Variants in TNKS2 observed in about 807,000 individuals in gnomAD.
The protein encoded by TNKS2 is poly [ADP-ribose] polymerase tankyrase-2.
In TNKS2, 72 loss-of-function variants were observed where a neutral mutation model predicts 137.6. The observed-to-expected ratio is 0.52, with a 90% CI of 0.43 to 0.64. TNKS2 has a LOEUF of 0.64. Among genes scored for constraint, TNKS2 ranks in the 30% least tolerant of loss-of-function variants. The probability of loss-of-function intolerance (pLI) is 0.00; values close to 1 mark genes in which losing one functional copy is unlikely to be tolerated. For synonymous variants in TNKS2, 516 were observed against 512.1 expected (o/e 1.01, Z -0.10); for missense variants, 1,049 against 1,410.2 (o/e 0.74, Z 4.10).
At position 91,848,561 on chromosome 10, in the gene TNKS2, G is replaced by C. The variant is rs376390039; in HGVS notation, c.2537G>C (p.Gly846Ala). The C allele has an allele frequency of 1.2e-6, 2 of 1,613,990 alleles. No individual in the cohort carries two copies. Among genetic ancestry groups the C allele is most frequent in the Non-Finnish European group, 1.7e-6 (2 of 1,180,034 alleles). Residue 846 changes from glycine (G) to alanine (A), a missense_variant, in exon 19 of 27, where the codon GGG becomes GCG. Transcript: ENST00000371627. ...GCCAGCAGTCTTGACAACTTATCTG[G>C]GAGTTTTTCAGAACTGTCTTCAGTA... The part of the protein sequence containing the change: ...SAASSLDNLS[G>A]SFSELSSVVS...
At chr10:91,833,764 T>G in intron 11 of TNKS2, 89 bp from the exon 12 acceptor site, 1 of 1,101,012 alleles carries the variant, frequency 9.1e-7, no homozygotes, top group Non-Finnish European at 1.2e-6. Context: ...GAATTGAGAC[T>G]TAAAAGTAGT....
chr10:91,801,430 C>T (rs1347581058), intron 1 of TNKS2, among the ~76,000 whole-genome samples: 1 of 151,906 alleles, frequency 6.6e-6, no homozygotes, highest in Non-Finnish European at 1.5e-5. Context: ...TTTCAGTCCG[C>T]CTGCCACTGC....
intron 13 of TNKS2, among the ~76,000 whole-genome samples, chr10:91,839,241 A>C (rs1842133796): frequency 6.6e-6 from 1 of 152,242 alleles, no homozygotes; most frequent in Admixed American, 6.5e-5. Flanking sequence ...CCAAACTTTC[A>C]TACTTTTCAT....
intron 7 of TNKS2, among the ~76,000 whole-genome samples, chr10:91,823,671 A>G (rs1281562790): frequency 6.6e-6 from 1 of 151,966 alleles, no homozygotes; most frequent in Non-Finnish European, 1.5e-5. Context: ...AGTAGAAGAT[A>G]TATATTATCT....
chr10:91,800,914 A>G (rs1253772000), intron 1 of TNKS2, among the ~76,000 whole-genome samples: 1 of 152,208 alleles, frequency 6.6e-6, no homozygotes, highest in Non-Finnish European at 1.5e-5. Context: ...GTTATCAGTC[A>G]TGTTAATGTG....
At chr10:91,853,543 A>G (rs1275905241) in intron 21 of TNKS2, among the ~76,000 whole-genome samples, 1 of 152,218 alleles carries the variant, frequency 6.6e-6, no homozygotes, top group Non-Finnish European at 1.5e-5. Flanking sequence ...ATGATCTTCT[A>G]ACAATCTATC....
chr10:91,835,797 G>A (rs1027134134), intron 12 of TNKS2, among the ~76,000 whole-genome samples: 6 of 148,740 alleles, frequency 4.0e-5, no homozygotes, highest in African/African-American at 7.4e-5. Flanking sequence ...TAGTAGTTAC[G>A]GGGTTTTACC....
chr10:91,863,851 A>G lies in TNKS2; in HGVS notation c.*852A>G, dbSNP rs1842913520. 1 of 152,100 alleles carries G rather than the reference A, an allele frequency of 6.6e-6. No individual in the cohort carries two copies. Among genetic ancestry groups the G allele is most frequent in the African/African-American group, 2.4e-5 (1 of 41,418 alleles). The allele number at this position is 152,100 out of a possible 1,614,324, so 9.4% of individuals were successfully genotyped here. On this transcript the variant is annotated 3_prime_UTR_variant, in exon 27 of 27. Transcript: ENST00000371627. ...AGAGCAAAGTGCTCCTGTTTTTTAG[A>G]GAAACTAAATCTTGCTGTTGAACAA...
intron 16 of TNKS2, 93 bp from the exon 17 acceptor site, chr10:91,844,826 A>G: frequency 1.4e-6 from 1 of 714,240 alleles, no homozygotes; most frequent in Non-Finnish European, 2.3e-6. Flanking sequence ...GTATACATGT[A>G]ATGACTTTTT....
intron 2 of TNKS2, among the ~76,000 whole-genome samples, chr10:91,815,317 G>C (rs1844650201): frequency 6.6e-6 from 1 of 152,164 alleles, no homozygotes; most frequent in South Asian, 2.1e-4. Context: ...CATTTATAAA[G>C]ATGTGAAATG....
chr10:91,859,915 C>T (rs1842808494), intron 25 of TNKS2, among the ~76,000 whole-genome samples: 1 of 152,124 alleles, frequency 6.6e-6, no homozygotes, highest in African/African-American at 2.4e-5. Context: ...TAGAAAGTAA[C>T]ATTAGGCATG....
chr10:91,857,354 A>G, intron 23 of TNKS2, 71 bp from the exon 24 acceptor site: 1 of 1,004,870 alleles, frequency 1.0e-6, no homozygotes, highest in Middle Eastern at 2.2e-4. Flanking sequence ...TGTATGTCCC[A>G]TGTTTGGTTT....
At chr10:91,800,063 G>A (rs1844111833) in intron 1 of TNKS2, among the ~76,000 whole-genome samples, 1 of 152,186 alleles carries the variant, frequency 6.6e-6, no homozygotes, top group African/African-American at 2.4e-5. Context: ...CTACCAGGAG[G>A]TATGCTTTTT....
In TNKS2 at chr10:91,857,541, T is replaced by C; in HGVS notation, c.3094+11T>C. 6.3e-7 allele frequency: 1 copy of C among 1,583,000 alleles called. No individual in the cohort carries two copies. The highest frequency in any genetic ancestry group is 8.7e-7 in the Non-Finnish European group (1 of 1,153,982). On this transcript the variant is annotated intron_variant, in intron 24 of 26. Coordinates refer to ENST00000371627, the MANE Select transcript of TNKS2 (RefSeq NM_025235.4). Reference sequence around the variant, plus strand: ...GAATGCTATTTCATGGTAAGATTCCTCCCCACCAACTCTACCACTGTCTTC... The same window carrying C: ...GAATGCTATTTCATGGTAAGATTCCCCCCCACCAACTCTACCACTGTCTTC...
intron 7 of TNKS2, 62 bp from the exon 8 acceptor site, chr10:91,826,948 TTACACAG>T: frequency 7.4e-7 from 1 of 1,348,004 alleles, no homozygotes. Context: ...TGATGTTAAA[TTACACAG>T]TACGAATAAT....
At chr10:91,821,305 T>A (rs2133615506) in intron 6 of TNKS2, among the ~76,000 whole-genome samples, 1 of 152,188 alleles carries the variant, frequency 6.6e-6, no homozygotes, top group East Asian at 1.9e-4. Flanking sequence ...GTGCTCAGAT[T>A]ACAGGCATGA....
chr10:91,854,386 A>G (rs911603315), intron 21 of TNKS2, among the ~76,000 whole-genome samples: 2 of 152,186 alleles, frequency 1.3e-5, no homozygotes, highest in Non-Finnish European at 1.5e-5. Flanking sequence ...TCTAAATGCA[A>G]TGTGGTATGT....
Position 91,855,054 on chromosome 10 carries a change from C to T in TNKS2, c.2841C>T (p.Asn947=). The T allele has an allele frequency of 6.2e-7, 1 of 1,609,514 alleles. No homozygotes were observed. Among genetic ancestry groups the T allele is most frequent in the South Asian group, 1.1e-5 (1 of 90,932 alleles). Residue 947 remains asparagine (N), a synonymous_variant, in exon 22 of 27, where the codon AAC becomes AAT. Transcript: ENST00000371627. The stretch of plus-strand genomic sequence containing the variant: ...GTCTTAACCCATATTTAACTTTGAA[C>T]ACCTCTGGTAGTGGAACAATTCTTA... ...QQGLNPYLTL[N]TSGSGTILID... is the part of the protein sequence containing the mutation.
At chr10:91,848,312 T>C (rs1842442853) in intron 18 of TNKS2, 71 bp from the exon 19 acceptor site, 2 of 1,463,140 alleles carry the variant, frequency 1.4e-6, no homozygotes, top group Non-Finnish European at 1.8e-6. Flanking sequence ...TATTTTTAAA[T>C]ATATTTTATT....
Sources: allele counts gnomAD v4.1 joint callset (sites outside exome capture counted in the v4.1 genomes callset), GRCh38; gene constraint gnomAD v4.1.1; transcripts MANE v1.5; gene names NCBI Gene and HGNC (gene_info 2026-07-23, HGNC 2026-07-21).